ITGA9: variants seen among roughly 807,000 people sequenced by gnomAD.
The protein encoded by ITGA9 is integrin subunit alpha 9.
In ITGA9, 56 loss-of-function variants were observed where a neutral mutation model predicts 127.8. The ratio of observed to expected loss-of-function variants is 0.44; its 90% CI spans 0.35 to 0.55. The LOEUF (loss-of-function observed/expected upper bound fraction) is 0.55. Ranked by LOEUF, ITGA9 falls within the 20% of genes least tolerant of loss-of-function variation. The pLI is 0.00. For missense variants in ITGA9, 1,196 were observed against 1,347.1 expected (o/e 0.89, Z 1.76); for synonymous variants, 508 against 514.5 (o/e 0.99, Z 0.17).
At chr3:37,505,000 A>G (rs1368569416) in intron 6 of ITGA9, among the ~76,000 whole-genome samples, 1 of 152,198 alleles carries the variant, frequency 6.6e-6, no homozygotes, top group African/African-American at 2.4e-5. Flanking sequence ...GGCTAAGCCT[A>G]GGCAATCTTT....
chr3:37,761,474 C>G (rs887154668), intron 23 of ITGA9, among the ~76,000 whole-genome samples: 1 of 152,100 alleles, frequency 6.6e-6, no homozygotes, highest in Non-Finnish European at 1.5e-5. Flanking sequence ...TAATAATGCT[C>G]CCTTAGGATT....
At chr3:37,792,242 G>A (rs1054260963) in intron 26 of ITGA9, among the ~76,000 whole-genome samples, 2 of 152,204 alleles carry the variant, frequency 1.3e-5, no homozygotes, top group Non-Finnish European at 2.9e-5. Flanking sequence ...AATATTTATT[G>A]AGGGCTTGCT....
At chr3:37,529,666 G>C (rs1699128980) in intron 13 of ITGA9, among the ~76,000 whole-genome samples, 2 of 152,218 alleles carry the variant, frequency 1.3e-5, no homozygotes. Context: ...GAAGAGATCA[G>C]AGGTGGTCAC....
At chr3:37,720,194 G>T (rs953900834) in intron 18 of ITGA9, among the ~76,000 whole-genome samples, 4 of 152,214 alleles carry the variant, frequency 2.6e-5, no homozygotes, top group Admixed American at 2.0e-4. Flanking sequence ...TTTTGAATGA[G>T]CAGAGTAGAA....
intron 10 of ITGA9, 82 bp downstream of exon 10, chr3:37,517,691 T>C: frequency 3.0e-6 from 3 of 991,476 alleles, no homozygotes; most frequent in Middle Eastern, 3.0e-4. Flanking sequence ...GCTCGCTGAC[T>C]GTCCATCTCT....
At chr3:37,790,210 G>A (rs369611393) in intron 26 of ITGA9, 20 of 563,486 alleles carry the variant, frequency 3.5e-5, no homozygotes, top group African/African-American at 3.0e-4. Context: ...TTTTACCTGC[G>A]CGGAAGACAC....
intron 16 of ITGA9, among the ~76,000 whole-genome samples, chr3:37,634,340 C>T (rs1435256845): frequency 6.7e-6 from 1 of 149,804 alleles, no homozygotes; most frequent in Non-Finnish European, 1.5e-5. Flanking sequence ...AAAAACAAGA[C>T]CTAACTATAT....
Position 37,644,024 on chromosome 3 carries a change from G to C in ITGA9, c.1840-9690G>C, listed in dbSNP as rs112840044. 2.3e-3 allele frequency among the ~76,000 whole-genome samples: 349 copies of C among 152,292 alleles called. 2 individuals carry two copies. Among genetic ancestry groups the C allele is most frequent in the African/African-American group, 8.1e-3 (336 of 41,568 alleles). On this transcript the variant is annotated intron_variant, in intron 16 of 27. Coordinates refer to ENST00000264741, the MANE Select transcript of ITGA9 (RefSeq NM_002207.3). ...TTAACAGCAACTAAAAAAGAAAAAT[G>C]AAACATAGAACACAAAAAATTCCAG...
intron 15 of ITGA9, among the ~76,000 whole-genome samples, chr3:37,553,673 T>C (rs1699400355): frequency 6.6e-6 from 1 of 152,218 alleles, no homozygotes; most frequent in Non-Finnish European, 1.5e-5. Flanking sequence ...GAAAGTACGA[T>C]AGCTTGCTCA....
At chr3:37,554,538 T>C (rs2125596343) in intron 15 of ITGA9, among the ~76,000 whole-genome samples, 1 of 152,138 alleles carries the variant, frequency 6.6e-6, no homozygotes, top group Middle Eastern at 3.4e-3. Context: ...AGGCCCCTGC[T>C]GGCGGCTATG....
rs192162751 is a variant in ITGA9, at chr3:37,544,173, C to T, written c.1689+1588C>T. On this transcript the variant is annotated intron_variant, in intron 15 of 27. Coordinates refer to ENST00000264741, the MANE Select transcript of ITGA9 (RefSeq NM_002207.3). ...TTCTTGCTTTGGCTGAGAAGTTATCCTTTGTTCCTAGTTACCAAGGGTACT... is the reference window on the plus strand; with the variant it reads ...TTCTTGCTTTGGCTGAGAAGTTATCTTTTGTTCCTAGTTACCAAGGGTACT... Among the ~76,000 whole-genome samples, 18 of 152,256 alleles carry T rather than the reference C, an allele frequency of 1.2e-4. No homozygotes were observed. In the East Asian group the frequency reaches 3.1e-3, roughly 26 times the overall value.
At chr3:37,752,315 C>A (rs1455706888) in intron 23 of ITGA9, among the ~76,000 whole-genome samples, 1 of 152,128 alleles carries the variant, frequency 6.6e-6, no homozygotes, top group Non-Finnish European at 1.5e-5. Flanking sequence ...AAATTCAGTC[C>A]TATTAGGAGA....
chr3:37,549,356 C>T (rs563712449), intron 15 of ITGA9, among the ~76,000 whole-genome samples: 8 of 152,174 alleles, frequency 5.3e-5, no homozygotes, highest in African/African-American at 9.6e-5. Context: ...AGGCTTTGCC[C>T]GCCTTAAGTC....
chr3:37,535,965 T>A (rs1262723487), intron 14 of ITGA9, among the ~76,000 whole-genome samples: 1 of 151,904 alleles, frequency 6.6e-6, no homozygotes, highest in East Asian at 1.9e-4. Flanking sequence ...GCAGGCCTTA[T>A]GGAAATGTGA....
intron 15 of ITGA9, among the ~76,000 whole-genome samples, chr3:37,595,684 C>A (rs968166294): frequency 2.6e-5 from 4 of 152,192 alleles, no homozygotes; most frequent in African/African-American, 9.7e-5. Flanking sequence ...CATTCCTTTC[C>A]CGGCGTGGTG....
rs558001827 is a variant in ITGA9 at position 37,737,116 on chromosome 3, T to G, written c.2234+133T>G. On this transcript the variant is annotated intron_variant, in intron 20 of 27. Transcript: ENST00000264741. ...AAATGGTTACTCAGTGATAAAGCCTTGAGCCGCAAAGTGGAATTGGATTTC... is the reference window on the plus strand; with the variant it reads ...AAATGGTTACTCAGTGATAAAGCCTGGAGCCGCAAAGTGGAATTGGATTTC... The G allele has an allele frequency of 1.7e-5, 12 of 726,328 alleles. No individual in the cohort carries two copies. In the East Asian group the frequency reaches 3.2e-4, roughly 19 times the overall value. 45.0% of individuals were successfully genotyped at this position (726,328 alleles called of 1,614,324 possible).
chr3:37,661,286 C>T (rs993634129), intron 17 of ITGA9, among the ~76,000 whole-genome samples: 1 of 152,150 alleles, frequency 6.6e-6, no homozygotes, highest in Non-Finnish European at 1.5e-5. Context: ...TTTTCTGAAC[C>T]TCAGAAACAA....
intron 18 of ITGA9, among the ~76,000 whole-genome samples, chr3:37,692,883 T>C (rs1700846635): frequency 6.6e-6 from 1 of 152,146 alleles, no homozygotes; most frequent in Non-Finnish European, 1.5e-5. Context: ...TTCAGACTTT[T>C]TATCAGGTAG....
chr3:37,643,766 T>C (rs1263880522), intron 16 of ITGA9, among the ~76,000 whole-genome samples: 1 of 152,188 alleles, frequency 6.6e-6, no homozygotes, highest in African/African-American at 2.4e-5. Context: ...AGGCCCTTGC[T>C]GTGTGCACTT....
Sources: gnomAD v4.1 joint callset for allele counts (sites outside exome capture counted in the v4.1 genomes callset) on GRCh38, gnomAD v4.1.1 for gene constraint, MANE v1.5 for transcripts, NCBI Gene and HGNC (gene_info 2026-07-23, HGNC 2026-07-21) for gene names.